Variants in SAMSN1 observed in about 807,000 individuals in gnomAD.
SAMSN1 encodes SAM domain-containing protein SAMSN-1.
A neutral mutation model predicts 42.0 loss-of-function variants in SAMSN1; 31 were observed. The ratio of observed to expected loss-of-function variants is 0.74; its 90% confidence interval spans 0.55 to 1.00. The LOEUF is 1.00. Among genes scored for constraint, SAMSN1 ranks in the 50% least tolerant of loss-of-function variants. The probability of loss-of-function intolerance (pLI) is 0.00; values close to 1 mark genes in which losing one functional copy is unlikely to be tolerated. For missense variants in SAMSN1, 464 were observed against 439.4 expected, an observed-to-expected ratio of 1.06 and a Z score of -0.50; for synonymous variants, 178 against 151.9, an observed-to-expected ratio of 1.17 and a Z score of -1.26.
chr21:14,553,693 T>C (rs1980670389), intron 2 of SAMSN1, among the ~76,000 whole-genome samples: 1 of 152,158 alleles, frequency 6.6e-6, no homozygotes, highest in African/African-American at 2.4e-5. Context: ...AGCCTGGAAA[T>C]CATTTTTTTC....
At chr21:14,514,000 T>C (rs1358804073) in intron 3 of SAMSN1, among the ~76,000 whole-genome samples, 1 of 152,122 alleles carries the variant, frequency 6.6e-6, no homozygotes, top group African/African-American at 2.4e-5. Flanking sequence ...TTACTGACAG[T>C]CCCAGGACTG....
intron 2 of SAMSN1, among the ~76,000 whole-genome samples, chr21:14,558,131 T>A (rs1371315500): frequency 6.6e-6 from 1 of 152,210 alleles, no homozygotes; most frequent in African/African-American, 2.4e-5. Context: ...GGCCTATCGC[T>A]AGCACTAGCA....
intron 1 of SAMSN1, among the ~76,000 whole-genome samples, chr21:14,524,538 T>C (rs946692851): frequency 2.0e-5 from 3 of 152,166 alleles, no homozygotes; most frequent in African/African-American, 7.2e-5. Flanking sequence ...ACAATACCTA[T>C]AAAGGGAAAT....
At chr21:14,658,977 C>G (rs951901742), upstream of SAMSN1, among the ~76,000 whole-genome samples, 1 of 151,806 alleles carries the variant, frequency 6.6e-6, no homozygotes, top group Non-Finnish European at 1.5e-5. Context: ...TAATGAAGAA[C>G]GCTGATGCAT....
In SAMSN1 at chr21:14,612,579, G is replaced by A. The variant is rs1281572175; in HGVS notation, c.235+297C>T. 2.2e-5 allele frequency: 11 copies of A among 510,840 alleles called. No individual in the cohort carries two copies. In the East Asian group the frequency reaches 2.7e-4, roughly 12 times the overall value. The allele number at this position is 510,840 out of a possible 1,614,324, so 31.6% of individuals were successfully genotyped here. A position where few individuals can be genotyped will look rare whatever the true frequency, so the allele number is the denominator to read the frequency against. Reference sequence around the variant, plus strand: ...ATCTCTAACAAGTCACCTTGACCACGGAGCAGCCAAGCTACACATGGAGAG... The same window carrying A: ...ATCTCTAACAAGTCACCTTGACCACAGAGCAGCCAAGCTACACATGGAGAG... On this transcript the variant is annotated intron_variant, in intron 4 of 15. Transcript: ENST00000647101.
In SAMSN1 at chr21:14,534,653, T is replaced by C. The variant is rs371555499; in HGVS notation, c.57+11552A>G. On this transcript the variant is annotated intron_variant, in intron 1 of 7. Transcript: ENST00000400566. Reference sequence around the variant, plus strand: ...GCCTCAGCCTCCCAAGTAGCTGGGATTACAGGTGCCCGCCACCAGAAGGAG... The same window carrying C: ...GCCTCAGCCTCCCAAGTAGCTGGGACTACAGGTGCCCGCCACCAGAAGGAG... 5.9e-5 allele frequency among the ~76,000 whole-genome samples: 9 copies of C among 152,050 alleles called. No homozygotes were observed. In the South Asian group the frequency reaches 1.7e-3, roughly 28 times the overall value.
intron 5 of SAMSN1, among the ~76,000 whole-genome samples, chr21:14,509,726 A>G (rs1987592077): frequency 6.6e-6 from 1 of 152,104 alleles, no homozygotes; most frequent in Non-Finnish European, 1.5e-5. Context: ...TTTCAGGAAA[A>G]TGGAGAGAAT....
At chr21:14,617,264 C>A (rs1184398584) in intron 2 of SAMSN1, among the ~76,000 whole-genome samples, 2 of 152,146 alleles carry the variant, frequency 1.3e-5, no homozygotes, top group Non-Finnish European at 2.9e-5. Flanking sequence ...ATGGACCACT[C>A]CTTCCATTCT....
intron 5 of SAMSN1, among the ~76,000 whole-genome samples, chr21:14,608,809 C>T (rs1440705427): frequency 2.0e-5 from 3 of 152,138 alleles, no homozygotes; most frequent in Non-Finnish European, 4.4e-5. Flanking sequence ...ACTCTTGAAT[C>T]ATCAATAGCT....
At chr21:14,602,851 C>G (rs547190150) in intron 5 of SAMSN1, among the ~76,000 whole-genome samples, 1 of 152,090 alleles carries the variant, frequency 6.6e-6, no homozygotes, top group Non-Finnish European at 1.5e-5. Flanking sequence ...ATTCCTCATT[C>G]TCATATTCTG....
chr21:14,618,263 T>C (rs1982895976), intron 2 of SAMSN1, among the ~76,000 whole-genome samples: 1 of 152,220 alleles, frequency 6.6e-6, no homozygotes, highest in African/African-American at 2.4e-5. Flanking sequence ...TTAATCTCTA[T>C]TAAGATGAAA....
chr21:14,641,369 A>G (rs461634), intron 2 of SAMSN1, among the ~76,000 whole-genome samples: 116,768 of 152,048 alleles, frequency 0.77, 45,353 homozygotes, highest in Middle Eastern at 0.89. Flanking sequence ...TTTGAAAGCT[A>G]TGATAATAAG....
chr21:14,548,774 T>C (rs1197149951), upstream of SAMSN1, among the ~76,000 whole-genome samples: 3 of 151,894 alleles, frequency 2.0e-5, no homozygotes, highest in Admixed American at 6.6e-5. Flanking sequence ...TACTATTTTA[T>C]GGTATTTGGA....
At chr21:14,640,940 A>T (rs914614821) in intron 2 of SAMSN1, among the ~76,000 whole-genome samples, 2 of 152,160 alleles carry the variant, frequency 1.3e-5, no homozygotes, top group African/African-American at 4.8e-5. Context: ...TGCAATATAA[A>T]TGAAGTTTGA....
Position 14,487,996 on chromosome 21 carries a change from G to A in SAMSN1, c.920-1882C>T, listed in dbSNP as rs1252334395. Among the ~76,000 whole-genome samples the A allele has an allele frequency of 2.0e-5, 3 of 151,808 alleles. No individual in the cohort carries two copies. In the East Asian group the frequency reaches 5.8e-4, roughly 29 times the overall value. ...ATCAGTCATTCACTCTTCTTTCTAAGCCCTTTTTTTTAATGAAAAGGCAGC... is the reference window on the plus strand; with the variant it reads ...ATCAGTCATTCACTCTTCTTTCTAAACCCTTTTTTTTAATGAAAAGGCAGC... On this transcript the variant is annotated intron_variant, in intron 7 of 7. Coordinates refer to ENST00000400566, the MANE Select transcript of SAMSN1 (RefSeq NM_022136.5).
intron 7 of SAMSN1, 30 bp downstream of exon 7, chr21:14,498,412 C>T (rs1460133375): frequency 1.9e-6 from 3 of 1,570,250 alleles, no homozygotes; most frequent in Non-Finnish European, 2.6e-6. Flanking sequence ...TGATTATCAG[C>T]TGGGGAGAAG....
chr21:14,530,160 C>T (rs1979153133), intron 1 of SAMSN1, among the ~76,000 whole-genome samples: 1 of 151,542 alleles, frequency 6.6e-6, no homozygotes, highest in Non-Finnish European at 1.5e-5. Flanking sequence ...ACTAAAAATA[C>T]AAAAAAATTA....
intron 2 of SAMSN1, among the ~76,000 whole-genome samples, chr21:14,639,987 G>A (rs533492390): frequency 1.3e-5 from 2 of 152,276 alleles, no homozygotes; most frequent in African/African-American, 4.8e-5. Flanking sequence ...TTACGATGAT[G>A]TATGATATTC....
chr21:14,636,994 C>T (rs190363478), intron 2 of SAMSN1, among the ~76,000 whole-genome samples: 2 of 152,154 alleles, frequency 1.3e-5, no homozygotes, highest in African/African-American at 2.4e-5. Context: ...AACATCTATA[C>T]TTCCCTAAGT....
Sources: allele counts gnomAD v4.1 joint callset (sites outside exome capture counted in the v4.1 genomes callset), GRCh38; gene constraint gnomAD v4.1.1; transcripts MANE v1.5; gene names NCBI Gene and HGNC (gene_info 2026-07-23, HGNC 2026-07-21).